Variants in NRXN3 observed in about 807,000 individuals in gnomAD.
NRXN3 encodes neurexin III.
A neutral mutation model predicts 137.6 loss-of-function variants in NRXN3; 32 were observed. The ratio of observed to expected loss-of-function variants is 0.23; its 90% CI spans 0.18 to 0.31. The LOEUF (loss-of-function observed/expected upper bound fraction) is 0.31. Among genes scored for constraint, NRXN3 ranks in the 10% least tolerant of loss-of-function variants. The pLI, the probability that NRXN3 is intolerant of heterozygous loss-of-function variation, is 1.00. For synonymous variants in NRXN3, 798 were observed against 784.5 expected, an observed-to-expected ratio of 1.02 and a Z score of -0.29; for missense variants, 1,574 against 2,062.5, an observed-to-expected ratio of 0.76 and a Z score of 4.59.
At chr14:78,519,474 TG>T (rs1264135734) in intron 4 of NRXN3, among the ~76,000 whole-genome samples, 1 of 152,194 alleles carries the variant, frequency 6.6e-6, no homozygotes, top group African/African-American at 2.4e-5. Flanking sequence ...CCTCATTATG[TG>T]TAACTTAATA....
At chr14:79,242,531 AC>A (rs1453440655) in intron 15 of NRXN3, among the ~76,000 whole-genome samples, 3 of 152,024 alleles carry the variant, frequency 2.0e-5, no homozygotes, top group African/African-American at 7.2e-5. Flanking sequence ...AGGTTTACTT[AC>A]TCTACCCTGG....
At chr14:79,671,765 G>A (rs1051661597) in intron 17 of NRXN3, among the ~76,000 whole-genome samples, 3 of 151,880 alleles carry the variant, frequency 2.0e-5, no homozygotes, top group Non-Finnish European at 4.4e-5. Flanking sequence ...CAAACCTAGA[G>A]CCTTTTTCTC....
intron 14 of NRXN3, 107 bp from the exon 15 acceptor site, chr14:78,987,915 T>C: frequency 7.8e-7 from 1 of 1,274,766 alleles, no homozygotes; most frequent in Non-Finnish European, 1.1e-6. Flanking sequence ...CTTCAAATGT[T>C]TGGGGGCATG....
intron 6 of NRXN3, among the ~76,000 whole-genome samples, chr14:78,699,376 G>A (rs1248083478): frequency 6.6e-6 from 1 of 152,190 alleles, no homozygotes; most frequent in Non-Finnish European, 1.5e-5. Flanking sequence ...ACAATGAAGT[G>A]AGGACTAGAT....
chr14:78,682,692 G>A (rs1016820923), intron 6 of NRXN3, among the ~76,000 whole-genome samples: 1 of 151,810 alleles, frequency 6.6e-6, no homozygotes, highest in African/African-American at 2.4e-5. Context: ...CACTGTCATT[G>A]TGGATGGGAT....
intron 15 of NRXN3, among the ~76,000 whole-genome samples, chr14:79,017,755 A>T (rs2099581727): frequency 6.6e-6 from 1 of 152,146 alleles, no homozygotes; most frequent in African/African-American, 2.4e-5. Flanking sequence ...GAAAGGATAG[A>T]AGGAACTGAA....
At chr14:79,550,890 A>C (rs1208827583) in intron 16 of NRXN3, among the ~76,000 whole-genome samples, 1 of 152,224 alleles carries the variant, frequency 6.6e-6, no homozygotes, top group Non-Finnish European at 1.5e-5. Flanking sequence ...AAAGCATTTA[A>C]AATTATACAT....
intron 16 of NRXN3, among the ~76,000 whole-genome samples, chr14:79,483,467 A>T (rs2096626797): frequency 6.6e-6 from 1 of 152,208 alleles, no homozygotes; most frequent in African/African-American, 2.4e-5. Context: ...AGGCAGGAGG[A>T]TTGCTTGAGG....
intron 10 of NRXN3, among the ~76,000 whole-genome samples, chr14:78,950,328 A>C (rs183395283): frequency 6.6e-6 from 1 of 152,274 alleles, no homozygotes; most frequent in African/African-American, 2.4e-5. Flanking sequence ...GAGGTTTGGC[A>C]ATACATTGGG....
chr14:78,352,938 G>C lies in NRXN3; in HGVS notation c.757+55078G>C, dbSNP rs1016007974. On this transcript the variant is annotated intron_variant, in intron 4 of 20. Coordinates refer to ENST00000335750, the MANE Select transcript of NRXN3 (RefSeq NM_001330195.2). ...TGCAATCTGCTCCTGTCAACACAGT[G>C]ATCCAAGAGCTTCAGCCATTGAAAG... Among the ~76,000 whole-genome samples, 8 of 152,316 alleles carry C rather than the reference G, an allele frequency of 5.3e-5. 1 individual carries two copies. The highest frequency in any genetic ancestry group is 5.2e-4 in the Admixed American group (8 of 15,300).
chr14:78,738,779 G>A (rs2098551981), intron 8 of NRXN3, among the ~76,000 whole-genome samples: 1 of 151,988 alleles, frequency 6.6e-6, no homozygotes, highest in South Asian at 2.1e-4. Context: ...GAGGGGTGGG[G>A]GGGTGCTTTA....
intron 15 of NRXN3, among the ~76,000 whole-genome samples, chr14:79,297,773 T>A (rs948543808): frequency 6.6e-6 from 1 of 152,040 alleles, no homozygotes; most frequent in African/African-American, 2.4e-5. Context: ...TGTTATTGGG[T>A]AGCAACCCAG....
chr14:78,958,874 A>G (rs1188017629), intron 11 of NRXN3, among the ~76,000 whole-genome samples: 6 of 152,310 alleles, frequency 3.9e-5, no homozygotes, highest in Non-Finnish European at 8.8e-5. Context: ...GGCCTAAGCC[A>G]TCTCCATGGT....
At chr14:78,265,715 C>A (rs2071581467) in intron 2 of NRXN3, among the ~76,000 whole-genome samples, 2 of 152,272 alleles carry the variant, frequency 1.3e-5, no homozygotes, top group African/African-American at 4.8e-5. Context: ...ACCTGGGATG[C>A]AGATGACCTC....
chr14:79,098,851 C>A (rs1348915438), intron 15 of NRXN3, among the ~76,000 whole-genome samples: 2 of 152,122 alleles, frequency 1.3e-5, no homozygotes, highest in Non-Finnish European at 2.9e-5. Context: ...AAAGATTTTT[C>A]CCCTGTATCT....
At chr14:78,673,765 T>C (rs2097963903) in intron 6 of NRXN3, among the ~76,000 whole-genome samples, 1 of 152,098 alleles carries the variant, frequency 6.6e-6, no homozygotes, top group East Asian at 1.9e-4. Flanking sequence ...CTACTCATGA[T>C]CTAATTAGAA....
At chr14:78,567,366 G>C (rs1408270247) in intron 4 of NRXN3, among the ~76,000 whole-genome samples, 1 of 152,222 alleles carries the variant, frequency 6.6e-6, no homozygotes, top group Admixed American at 6.5e-5. Context: ...ACTGTGCTCA[G>C]CTGGCTTTGG....
chr14:78,649,476 T>A (rs1425643469), intron 5 of NRXN3, among the ~76,000 whole-genome samples: 1 of 151,422 alleles, frequency 6.6e-6, no homozygotes, highest in Non-Finnish European at 1.5e-5. Context: ...TGGAAGGGGA[T>A]GCACTTGTCC....
intron 8 of NRXN3, 52 bp from the exon 9 acceptor site, chr14:78,803,568 G>GGCAACTGTGACATCCGTCATCCTAACGAT: frequency 6.4e-7 from 1 of 1,557,292 alleles, no homozygotes; most frequent in Non-Finnish European, 8.9e-7. Flanking sequence ...AGGGGTATTT[G>GGCAACTGTGACATCCGTCATCCTAACGAT]GCAACTGTGA....
Sources: allele counts gnomAD v4.1 joint callset (sites outside exome capture counted in the v4.1 genomes callset), GRCh38; gene constraint gnomAD v4.1.1; transcripts MANE v1.5; gene names NCBI Gene and HGNC (gene_info 2026-07-23, HGNC 2026-07-21).